TAFA1: variants seen among roughly 807,000 people sequenced by gnomAD.
TAFA1 encodes TAFA chemokine like family member 1.
In TAFA1, 4 loss-of-function variants were observed where a neutral mutation model predicts 18.5. The observed-to-expected ratio is 0.22, with a 90% confidence interval of 0.11 to 0.49. The LOEUF (loss-of-function observed/expected upper bound fraction) is 0.49, where lower values mean the gene tolerates loss of function less well. Among genes scored for constraint, TAFA1 ranks in the 20% least tolerant of loss-of-function variants. The probability of loss-of-function intolerance (pLI) is 0.98; values close to 1 mark genes in which losing one functional copy is unlikely to be tolerated. For synonymous variants in TAFA1, 56 were observed against 55.2 expected, an observed-to-expected ratio of 1.01 and a Z score of -0.06; for missense variants, 147 against 169.0, an observed-to-expected ratio of 0.87 and a Z score of 0.72.
At chr3:68,392,176 C>CAAAAAA (rs57440480) in intron 2 of TAFA1, among the ~76,000 whole-genome samples, 1 of 109,312 alleles carries the variant, frequency 9.1e-6, no homozygotes, top group East Asian at 3.2e-4. Context: ...TTTAGGAAAG[C>CAAAAAA]AAAAAAAAAA....
intron 2 of TAFA1, among the ~76,000 whole-genome samples, chr3:68,049,141 A>G (rs1322243106): frequency 1.3e-5 from 2 of 152,302 alleles, no homozygotes; most frequent in East Asian, 3.9e-4. Context: ...GTATAACTAT[A>G]TGCAGTGGCT....
At chr3:68,253,072 A>G (rs1559579153) in intron 2 of TAFA1, among the ~76,000 whole-genome samples, 1 of 152,256 alleles carries the variant, frequency 6.6e-6, no homozygotes, top group East Asian at 1.9e-4. Context: ...TTCTTTATGA[A>G]TTACCCACTC....
chr3:68,290,684 C>T (rs2068088956), intron 2 of TAFA1, among the ~76,000 whole-genome samples: 1 of 152,130 alleles, frequency 6.6e-6, no homozygotes, highest in Admixed American at 6.5e-5. Context: ...CAATTCTCTT[C>T]TCTTCACATA....
At chr3:68,248,671 T>C (rs573139861) in intron 2 of TAFA1, among the ~76,000 whole-genome samples, 3 of 142,368 alleles carry the variant, frequency 2.1e-5, no homozygotes, top group Non-Finnish European at 4.5e-5. Flanking sequence ...AACCTGGAGA[T>C]GGGCTCCTTA....
chr3:68,052,681 A>G lies in TAFA1; in HGVS notation c.118+45937A>G, dbSNP rs187562114. Among the ~76,000 whole-genome samples the G allele has an allele frequency of 3.3e-5, 5 of 152,306 alleles. No homozygotes were observed. In the East Asian group the frequency reaches 7.7e-4, roughly 24 times the overall value. ...TTTGTTCATTTCTTCACTCACCAGC[A>G]AATATTTATTGTTTCCATTATGTGC... is the stretch of plus-strand genomic sequence containing the variant. On this transcript the variant is annotated intron_variant, in intron 2 of 4. Transcript: ENST00000478136.
intron 3 of TAFA1, among the ~76,000 whole-genome samples, chr3:68,526,524 A>G (rs6772010): frequency 0.11 from 16,504 of 152,168 alleles, 2,332 homozygotes; most frequent in African/African-American, 0.31. Context: ...GGAATCAACC[A>G]AAAGTGATAT....
intron 2 of TAFA1, among the ~76,000 whole-genome samples, chr3:68,065,761 TATATACAC>T (rs1160133112): frequency 7.0e-6 from 1 of 142,344 alleles, no homozygotes; most frequent in African/African-American, 2.6e-5. Context: ...TATATATATA[TATATACAC>T]ACACATTACC....
chr3:68,067,767 T>A (rs2064699405), intron 2 of TAFA1, among the ~76,000 whole-genome samples: 2 of 152,122 alleles, frequency 1.3e-5, no homozygotes, highest in Admixed American at 1.3e-4. Context: ...TTCTTCCCTC[T>A]TTCCTTCAAT....
At chr3:68,402,110 A>G (rs186629656) in intron 2 of TAFA1, among the ~76,000 whole-genome samples, 8 of 152,336 alleles carry the variant, frequency 5.3e-5, no homozygotes, top group Admixed American at 4.6e-4. Flanking sequence ...AACCCAGAAG[A>G]CAAAACTAGC....
At chr3:68,006,579 G>T in intron 1 of TAFA1, 45 bp from the exon 2 acceptor site, 1 of 1,322,482 alleles carries the variant, frequency 7.6e-7, no homozygotes, top group South Asian at 1.2e-5. Context: ...CTGAGCTGGG[G>T]GCTTGAAGCC....
At chr3:68,391,970 G>A (rs2070261625) in intron 2 of TAFA1, among the ~76,000 whole-genome samples, 1 of 152,100 alleles carries the variant, frequency 6.6e-6, no homozygotes, top group South Asian at 2.1e-4. Flanking sequence ...AAAATAACCA[G>A]CTGGAATCAT....
In TAFA1 at chr3:68,305,136, T is replaced by C. The variant is rs148887298; in HGVS notation, c.119-112144T>C. Among the ~76,000 whole-genome samples, 1,270 of 151,960 alleles carry C rather than the reference T, an allele frequency of 8.4e-3. 15 individuals carry two copies. The highest frequency in any genetic ancestry group is 0.029 in the African/African-American group (1,212 of 41,418). On this transcript the variant is annotated intron_variant, in intron 2 of 4. Transcript: ENST00000478136. Reference sequence around the variant, plus strand: ...TCTGGGTAGCATCCTTCCTTGTCTCTTTCTAGCTTCACCAATCCTCATTAT... The same window carrying C: ...TCTGGGTAGCATCCTTCCTTGTCTCCTTCTAGCTTCACCAATCCTCATTAT...
chr3:68,222,917 C>A (rs563673661), intron 2 of TAFA1, among the ~76,000 whole-genome samples: 5 of 152,252 alleles, frequency 3.3e-5, no homozygotes, highest in Middle Eastern at 3.4e-3. Context: ...AAGCGATCCA[C>A]CCACCTTAGC....
At chr3:68,263,419 A>G (rs1422206879) in intron 2 of TAFA1, among the ~76,000 whole-genome samples, 1 of 148,038 alleles carries the variant, frequency 6.8e-6, no homozygotes, top group African/African-American at 2.5e-5. Flanking sequence ...CCTCTTAGGT[A>G]GAACAGATAC....
chr3:68,057,304 T>A (rs940424254), intron 2 of TAFA1, among the ~76,000 whole-genome samples: 1 of 152,198 alleles, frequency 6.6e-6, no homozygotes, highest in African/African-American at 2.4e-5. Context: ...ACAGAACTCC[T>A]GTATTCACCC....
intron 2 of TAFA1, among the ~76,000 whole-genome samples, chr3:68,257,774 A>G (rs2067327767): frequency 1.3e-5 from 2 of 152,134 alleles, no homozygotes; most frequent in Admixed American, 1.3e-4. Context: ...AACTGAAATG[A>G]TGGTAAAAAT....
At chr3:68,451,410 A>AG (rs1275612159) in intron 3 of TAFA1, among the ~76,000 whole-genome samples, 2 of 152,162 alleles carry the variant, frequency 1.3e-5, no homozygotes, top group Non-Finnish European at 2.9e-5. Context: ...TTGTCAGTAG[A>AG]GGAGGAACTT....
intron 2 of TAFA1, among the ~76,000 whole-genome samples, chr3:68,069,133 C>T (rs923060891): frequency 2.6e-5 from 4 of 152,054 alleles, no homozygotes; most frequent in African/African-American, 9.7e-5. Context: ...TTTGTATGCA[C>T]CATAATAGAT....
intron 2 of TAFA1, among the ~76,000 whole-genome samples, chr3:68,360,760 T>A (rs536415412): frequency 6.6e-6 from 1 of 152,144 alleles, no homozygotes; most frequent in South Asian, 2.1e-4. Context: ...AATGCTCACA[T>A]TTTATGCAGA....
Sources: allele counts gnomAD v4.1 joint callset (sites outside exome capture counted in the v4.1 genomes callset), GRCh38; gene constraint gnomAD v4.1.1; transcripts MANE v1.5; gene names NCBI Gene and HGNC (gene_info 2026-07-23, HGNC 2026-07-21).